Variants in C8orf34 observed in about 807,000 individuals in gnomAD.
C8orf34 encodes the protein chromosome 8 open reading frame 34, also known as uncharacterized protein C8orf34.
C8orf34 carries 65 observed loss-of-function variants against 68.3 expected under a neutral mutation model. That is an observed-to-expected ratio of 0.95 (90% CI 0.78 to 1.17). The LOEUF is 1.17. Among genes scored for constraint, C8orf34 ranks in the 50% most tolerant of loss-of-function variants. C8orf34 has a pLI of 0.00. For synonymous variants in C8orf34, 244 were observed against 241.2 expected (o/e 1.01, Z -0.11); for missense variants, 664 against 655.4 (o/e 1.01, Z -0.14).
At chr8:68,536,718 A>T (rs932329430) in intron 7 of C8orf34, among the ~76,000 whole-genome samples, 4 of 152,132 alleles carry the variant, frequency 2.6e-5, no homozygotes, top group African/African-American at 9.6e-5. Context: ...AGAATTGATG[A>T]TGAGGCAAGT....
intron 10 of C8orf34, among the ~76,000 whole-genome samples, chr8:68,733,804 T>C (rs1273100452): frequency 6.6e-6 from 1 of 152,220 alleles, no homozygotes; most frequent in Non-Finnish European, 1.5e-5. Flanking sequence ...CCAGTTATTT[T>C]GTTCAGAATA....
intron 6 of C8orf34, among the ~76,000 whole-genome samples, chr8:68,532,235 GA>G (rs1424304984): frequency 6.6e-6 from 1 of 152,116 alleles, no homozygotes; most frequent in Non-Finnish European, 1.5e-5. Context: ...ACGAGCTTTA[GA>G]AATGCTATTT....
chr8:68,491,620 G>A (rs1324536299), intron 5 of C8orf34, among the ~76,000 whole-genome samples: 1 of 152,126 alleles, frequency 6.6e-6, no homozygotes, highest in East Asian at 1.9e-4. Context: ...TTAGGTTGAG[G>A]CCACCTGGCT....
In C8orf34 at chr8:68,330,986, G is replaced by C; in HGVS notation, c.-27G>C. Reference sequence around the variant, plus strand: ...CCGGGCGCTGCGGAGAGCGGCGAGGGTGGGCGCGAGGCGGAGAACGCGATG... The same window carrying C: ...CCGGGCGCTGCGGAGAGCGGCGAGGCTGGGCGCGAGGCGGAGAACGCGATG... On this transcript the variant is annotated 5_prime_UTR_variant, in exon 1 of 14. Coordinates refer to ENST00000518698, the MANE Select transcript of C8orf34 (RefSeq NM_052958.4). 3 of 1,377,568 alleles carry C rather than the reference G, an allele frequency of 2.2e-6. No individual in the cohort carries two copies. Among genetic ancestry groups the C allele is most frequent in the Non-Finnish European group, 2.8e-6 (3 of 1,073,232 alleles). 85.3% of individuals were successfully genotyped at this position (1,377,568 alleles called of 1,614,324 possible). A position where few individuals can be genotyped will look rare whatever the true frequency, so the allele number is the denominator to read the frequency against.
At chr8:68,423,264 T>G (rs559203106) in intron 1 of C8orf34, among the ~76,000 whole-genome samples, 1 of 152,318 alleles carries the variant, frequency 6.6e-6, no homozygotes, top group South Asian at 2.1e-4. Context: ...AATGCTTTGC[T>G]GCTTAAAAAT....
At chr8:68,498,599 G>A (rs940391551) in intron 5 of C8orf34, among the ~76,000 whole-genome samples, 1 of 152,098 alleles carries the variant, frequency 6.6e-6, no homozygotes, top group African/African-American at 2.4e-5. Context: ...AGACTGTTGT[G>A]TGTGCTTTGC....
At chr8:68,621,564 G>A (rs1463059614) in intron 7 of C8orf34, among the ~76,000 whole-genome samples, 1 of 152,024 alleles carries the variant, frequency 6.6e-6, no homozygotes, top group African/African-American at 2.4e-5. Context: ...TCATAAATTT[G>A]GCCAAATATT....
At chr8:68,626,805 G>T (rs1477952492) in intron 7 of C8orf34, among the ~76,000 whole-genome samples, 1 of 152,036 alleles carries the variant, frequency 6.6e-6, no homozygotes, top group East Asian at 1.9e-4. Context: ...GAATAAATAT[G>T]TTTGATGTAT....
chr8:68,595,028 T>C (rs1817502821), intron 7 of C8orf34, among the ~76,000 whole-genome samples: 2 of 151,966 alleles, frequency 1.3e-5, no homozygotes, highest in South Asian at 4.1e-4. Flanking sequence ...CAAGTGTTTT[T>C]GCTTGCTCTC....
intron 1 of C8orf34, among the ~76,000 whole-genome samples, chr8:68,435,137 A>T (rs1016264363): frequency 1.3e-5 from 2 of 149,554 alleles, no homozygotes; most frequent in Non-Finnish European, 3.0e-5. Flanking sequence ...ATAATATTAC[A>T]AGTGTATATT....
chr8:68,726,360 A>G (rs911385969), intron 10 of C8orf34, among the ~76,000 whole-genome samples: 1 of 152,168 alleles, frequency 6.6e-6, no homozygotes, highest in Non-Finnish European at 1.5e-5. Flanking sequence ...GTTTTTCGGA[A>G]TTGGAGGACT....
chr8:68,741,153 A>T (rs1227671591), intron 10 of C8orf34, among the ~76,000 whole-genome samples: 1 of 152,090 alleles, frequency 6.6e-6, no homozygotes, highest in Non-Finnish European at 1.5e-5. Flanking sequence ...TGACGAAATA[A>T]CGTGTTCGAC....
intron 5 of C8orf34, among the ~76,000 whole-genome samples, chr8:68,519,761 A>G (rs887493877): frequency 6.6e-6 from 1 of 152,144 alleles, no homozygotes; most frequent in Non-Finnish European, 1.5e-5. Flanking sequence ...TGGTTTAACT[A>G]TGTTATTTAC....
intron 1 of C8orf34, among the ~76,000 whole-genome samples, chr8:68,357,134 A>T (rs1396750852): frequency 6.6e-6 from 1 of 152,130 alleles, no homozygotes; most frequent in African/African-American, 2.4e-5. Flanking sequence ...GTTTTGTATA[A>T]AAAATATAAT....
intron 1 of C8orf34, among the ~76,000 whole-genome samples, chr8:68,350,363 T>G (rs1806461377): frequency 6.6e-6 from 1 of 152,016 alleles, no homozygotes; most frequent in African/African-American, 2.4e-5. Flanking sequence ...ATGTAGCTGA[T>G]TTTAGAGTAT....
intron 1 of C8orf34, among the ~76,000 whole-genome samples, chr8:68,397,088 C>T (rs556970665): frequency 6.6e-6 from 1 of 152,082 alleles, no homozygotes; most frequent in Admixed American, 6.6e-5. Context: ...CTCACCGCAT[C>T]CTCCATCTCC....
chr8:68,741,524 A>G (rs986313773), intron 10 of C8orf34, among the ~76,000 whole-genome samples: 3 of 152,186 alleles, frequency 2.0e-5, no homozygotes, highest in African/African-American at 7.2e-5. Flanking sequence ...ATTTGACTGT[A>G]GTCACCCTGT....
intron 12 of C8orf34, among the ~76,000 whole-genome samples, chr8:68,812,069 T>A (rs1442728178): frequency 6.6e-6 from 1 of 152,096 alleles, no homozygotes; most frequent in Non-Finnish European, 1.5e-5. Flanking sequence ...AATAAGAACA[T>A]AAGGGAAAAC....
At chr8:68,556,780 G>A (rs987164984) in intron 7 of C8orf34, among the ~76,000 whole-genome samples, 1 of 152,234 alleles carries the variant, frequency 6.6e-6, no homozygotes, top group Middle Eastern at 3.4e-3. Flanking sequence ...AGTAATGTAG[G>A]TTGTAGGTAT....
Sources: allele counts gnomAD v4.1 joint callset (sites outside exome capture counted in the v4.1 genomes callset), GRCh38; gene constraint gnomAD v4.1.1; transcripts MANE v1.5; gene names NCBI Gene and HGNC (gene_info 2026-07-23, HGNC 2026-07-21).